The following FAT3 variants were observed in gnomAD, a reference collection of about 807,000 sequenced individuals.
FAT3 encodes FAT atypical cadherin 3, also known as protocadherin Fat 3.
A neutral mutation model predicts 310.2 loss-of-function variants in FAT3; 95 were observed. The observed-to-expected ratio is 0.31, with a 90% CI of 0.26 to 0.36. FAT3 has a LOEUF of 0.36. Ranked by LOEUF, FAT3 falls within the 10% of genes least tolerant of loss-of-function variation. The pLI, the probability that FAT3 is intolerant of heterozygous loss-of-function variation, is 1.00. For missense variants in FAT3, 5,408 were observed against 5,715.6 expected (o/e 0.95, Z 1.74); for synonymous variants, 2,314 against 2,192.9 (o/e 1.06, Z -1.54).
At chr11:92,813,419 T>A (rs1947734769) in intron 13 of FAT3, among the ~76,000 whole-genome samples, 1 of 152,170 alleles carries the variant, frequency 6.6e-6, no homozygotes, top group Admixed American at 6.5e-5. Context: ...AAATTGATCT[T>A]GGTACAATCC....
At chr11:92,629,994 T>C (rs1165725778) in intron 3 of FAT3, among the ~76,000 whole-genome samples, 1 of 152,178 alleles carries the variant, frequency 6.6e-6, no homozygotes, top group African/African-American at 2.4e-5. Flanking sequence ...TCTGGGTGAT[T>C]CTGGTGTGCG....
At chr11:92,413,664 C>A (rs1950346481) in intron 2 of FAT3, among the ~76,000 whole-genome samples, 1 of 152,166 alleles carries the variant, frequency 6.6e-6, no homozygotes, top group East Asian at 1.9e-4. Flanking sequence ...AGAATTTCAG[C>A]TTTCCCTGCT....
intron 4 of FAT3, among the ~76,000 whole-genome samples, chr11:92,746,049 G>A (rs1250409064): frequency 6.6e-6 from 1 of 152,180 alleles, no homozygotes; most frequent in Admixed American, 6.5e-5. Flanking sequence ...GGTTCCCTTG[G>A]TTCCATGGAT....
intron 2 of FAT3, among the ~76,000 whole-genome samples, chr11:92,480,081 C>G (rs371613627): frequency 6.6e-6 from 1 of 151,984 alleles, no homozygotes. Flanking sequence ...CTGGCTAACA[C>G]GGTGAAACCC....
At chr11:92,805,668 A>T (rs577898914) in intron 11 of FAT3, among the ~76,000 whole-genome samples, 1 of 152,276 alleles carries the variant, frequency 6.6e-6, no homozygotes, top group East Asian at 1.9e-4. Flanking sequence ...TGATATCATA[A>T]AAGAGAAATG....
chr11:92,266,272 C>G (rs1945945528), intron 1 of FAT3, among the ~76,000 whole-genome samples: 1 of 152,140 alleles, frequency 6.6e-6, no homozygotes, highest in Admixed American at 6.6e-5. Flanking sequence ...GTTTGAGAAC[C>G]TGGCCTCACT....
chr11:92,505,087 A>T (rs1191204885), intron 2 of FAT3, among the ~76,000 whole-genome samples: 1 of 152,078 alleles, frequency 6.6e-6, no homozygotes, highest in Non-Finnish European at 1.5e-5. Flanking sequence ...TCTGGAGTAG[A>T]CAGGTGGATG....
intron 4 of FAT3, among the ~76,000 whole-genome samples, chr11:92,719,227 G>A (rs1043802691): frequency 1.3e-5 from 2 of 152,180 alleles, no homozygotes; most frequent in Admixed American, 6.5e-5. Context: ...GGGCCAGTTA[G>A]CATTTCCTCC....
chr11:92,355,447 T>C (rs374309370), intron 2 of FAT3, 43 bp downstream of exon 2: 10 of 1,552,596 alleles, frequency 6.4e-6, no homozygotes, highest in African/African-American at 5.5e-5. Flanking sequence ...TTCACCTCTT[T>C]TAAATGGTCA....
rs771251751 is a variant in FAT3 at position 92,800,391 on chromosome 11, C to T, written c.7378C>T (p.Arg2460Trp). 3.1e-5 allele frequency: 50 copies of T among 1,613,832 alleles called. No homozygotes were observed. Among genetic ancestry groups the T allele is most frequent in the Non-Finnish European group, 3.4e-5 (40 of 1,179,876 alleles). The change falls in exon 10 of 28, where the codon CGG becomes TGG. Residue 2460 changes from arginine (R) to tryptophan (W), a missense_variant. Physicochemically the swap from Arg to Trp is moderately radical, Grantham distance 101 (BLOSUM62 -3). Around this residue, in one of 5 missense-constraint regions of FAT3, gnomAD observed 4,588 missense variants for 4,809.8 expected, o/e 0.95. Coordinates refer to ENST00000525166, the MANE Select transcript of FAT3 (RefSeq NM_001367949.2). The part of the protein sequence containing the change: ...VITLSNHRKQ[R>W]MEPLYSLNVS... ...CACATTGTCCAACCATCGGAAGCAG[C>T]GGATGGAGCCTCTGTACAGTCTCAA... is the stretch of plus-strand genomic sequence containing the variant.
At chr11:92,502,218 G>C (rs991819512) in intron 2 of FAT3, among the ~76,000 whole-genome samples, 15 of 152,000 alleles carry the variant, frequency 9.9e-5, no homozygotes, top group Non-Finnish European at 2.9e-5. Context: ...TGGTCTAAGA[G>C]TTCATTTAAA....
chr11:92,275,948 G>T (rs1323185458), intron 1 of FAT3, among the ~76,000 whole-genome samples: 2 of 41,614 alleles, frequency 4.8e-5, no homozygotes, highest in African/African-American at 2.4e-4. Context: ...GTGCATAGTT[G>T]ATCACGTTTA....
chr11:92,674,291 C>G (rs560002291), intron 3 of FAT3, among the ~76,000 whole-genome samples: 127 of 151,014 alleles, frequency 8.4e-4, no homozygotes, highest in African/African-American at 3.1e-3. Flanking sequence ...GAGGATGGAC[C>G]ACTGTGATAT....
intron 4 of FAT3, among the ~76,000 whole-genome samples, chr11:92,729,861 A>G (rs373126929): frequency 2.0e-5 from 3 of 152,196 alleles, no homozygotes; most frequent in East Asian, 3.9e-4. Flanking sequence ...CATTCATTTA[A>G]TCTGAATACT....
intron 26 of FAT3, 94 bp from the exon 27 acceptor site, chr11:92,889,762 A>G (rs1320359769): frequency 2.0e-5 from 14 of 708,608 alleles, no homozygotes; most frequent in Non-Finnish European, 3.4e-5. Context: ...GGCCTTTAGG[A>G]GTATGTTTTT....
At chr11:92,603,195 T>TC in intron 3 of FAT3, among the ~76,000 whole-genome samples, 1 of 152,182 alleles carries the variant, frequency 6.6e-6, no homozygotes, top group South Asian at 2.1e-4. Flanking sequence ...CAGAATTTCT[T>TC]CAACTCTCTG....
At chr11:92,715,790 C>T (rs1944663196) in intron 4 of FAT3, among the ~76,000 whole-genome samples, 1 of 151,664 alleles carries the variant, frequency 6.6e-6, no homozygotes. Context: ...GGAGACTTGA[C>T]CTGGGCCTTG....
chr11:92,311,234 G>T (rs1047020612), intron 1 of FAT3, among the ~76,000 whole-genome samples: 3 of 152,096 alleles, frequency 2.0e-5, no homozygotes, highest in Non-Finnish European at 4.4e-5. Flanking sequence ...TGGAATTTAT[G>T]CAGTTGGAAA....
intron 2 of FAT3, among the ~76,000 whole-genome samples, chr11:92,386,599 TTAGA>T (rs1271405284): frequency 6.6e-6 from 1 of 152,220 alleles, no homozygotes; most frequent in Non-Finnish European, 1.5e-5. Flanking sequence ...TTAATATTCA[TTAGA>T]TAGTTGTTGA....
Sources: gnomAD v4.1 joint callset for allele counts (sites outside exome capture counted in the v4.1 genomes callset) on GRCh38, gnomAD v4.1.1 for gene constraint, gnomAD v4.1.1 regional missense constraint, MANE v1.5 for transcripts, NCBI Gene and HGNC (gene_info 2026-07-23, HGNC 2026-07-21) for gene names.